Variants in WIPI2 observed in about 807,000 individuals in gnomAD.
WIPI2 encodes WD repeat domain phosphoinositide-interacting protein 2.
Under a neutral mutation model 52.3 loss-of-function variants are expected in WIPI2, and 28 were observed. That is an observed-to-expected ratio of 0.54 (90% CI 0.40 to 0.73). WIPI2 has a LOEUF of 0.73. Ranked by LOEUF, WIPI2 falls within the 30% of genes least tolerant of loss-of-function variation. The pLI is 0.00. For synonymous variants in WIPI2, 268 were observed against 245.0 expected (o/e 1.09, Z -0.88); for missense variants, 506 against 602.9 (o/e 0.84, Z 1.68).
Position 5,227,422 on chromosome 7 carries a change from C to A in WIPI2, c.1013+78C>A, listed in dbSNP as rs1422959614. The A allele has an allele frequency of 2.6e-6, 4 of 1,544,378 alleles. No individual in the cohort carries two copies. The highest frequency in any genetic ancestry group is 3.5e-6 in the Non-Finnish European group (4 of 1,149,370). ...GCCCAGTCCTGGCGGCTTGTGGCCC[C>A]TTCCGTGCTTCTGAACAGGAGCAGC... On this transcript the variant is annotated intron_variant, in intron 10 of 12. Coordinates refer to ENST00000288828, the MANE Select transcript of WIPI2 (RefSeq NM_015610.4). This position sits in a 1 kb window ranked among gnomAD's most constrained non-coding sequence, Gnocchi z 8.1.
At chr7:5,209,523 T>A (rs558496891) in intron 3 of WIPI2, among the ~76,000 whole-genome samples, 2 of 152,344 alleles carry the variant, frequency 1.3e-5, no homozygotes, top group East Asian at 3.9e-4. Context: ...TCTCATGCTT[T>A]TTCTGCATCT....
intron 2 of WIPI2, among the ~76,000 whole-genome samples, chr7:5,198,715 G>A (rs1781872570): frequency 6.6e-6 from 1 of 152,168 alleles, no homozygotes; most frequent in African/African-American, 2.4e-5. Context: ...CTGATTCCTT[G>A]TGCTTATATC....
rs771816912 is a variant in WIPI2, at chr7:5,199,629, T to A, written c.182T>A (p.Val61Glu). The change falls in exon 3 of 13, where the codon GTG becomes GAG. Residue 61 changes from valine to glutamate, a missense_variant. Val to Glu is a moderately radical substitution (Grantham distance 121, BLOSUM62 -2). Coordinates refer to ENST00000288828, the MANE Select transcript of WIPI2 (RefSeq NM_015610.4). ...SGYKFFSLSSVDKLEQIYECT... is the reference protein window; with the variant it reads ...SGYKFFSLSSEDKLEQIYECT... ...TATAAATTTTTCTCCCTTTCTTCTG[T>A]GGATAAGCTGGAACAGATCTATGAA... is the stretch of plus-strand genomic sequence containing the variant. 1 of 1,612,830 alleles carries A rather than the reference T, an allele frequency of 6.2e-7. No homozygotes were observed. The highest frequency in any genetic ancestry group is 1.7e-5 in the Admixed American group (1 of 59,766).
At chr7:5,210,716 C>T (rs910722655) in intron 3 of WIPI2, among the ~76,000 whole-genome samples, 2 of 152,146 alleles carry the variant, frequency 1.3e-5, no homozygotes, top group African/African-American at 2.4e-5. Context: ...TCTTGTTGTT[C>T]ACAGTTCTAG....
chr7:5,218,953 T>C (rs890984525), intron 7 of WIPI2: 2 of 152,190 alleles, frequency 1.3e-5, no homozygotes, highest in Admixed American at 6.5e-5. Context: ...AATCCTAAAA[T>C]AGCCTCCCCT....
Position 5,229,101 on chromosome 7 carries a change from C to T in WIPI2, c.1122-507C>T, listed in dbSNP as rs534563505. Among the ~76,000 whole-genome samples the T allele has an allele frequency of 5.9e-5, 9 of 152,090 alleles. No individual in the cohort carries two copies. In the East Asian group the frequency reaches 7.7e-4, roughly 13 times the overall value. ...CGCGATCTCGGCTCACTGCAATCTC[C>T]GCCTCCCAGGTTCAAGCGATTCTCC... On this transcript the variant is annotated intron_variant, in intron 11 of 12. Coordinates refer to ENST00000288828, the MANE Select transcript of WIPI2 (RefSeq NM_015610.4).
At chr7:5,190,557 G>A in intron 1 of WIPI2, 64 bp downstream of exon 1, 1 of 1,355,144 alleles carries the variant, frequency 7.4e-7, no homozygotes. Flanking sequence ...CTAGGGGGAG[G>A]GCCTCGCTGC....
chr7:5,190,521 G>T (rs761835759), intron 1 of WIPI2, 28 bp downstream of exon 1: 1 of 1,481,368 alleles, frequency 6.8e-7, no homozygotes, highest in Admixed American at 2.3e-5. Context: ...GGTCGGAGTC[G>T]GGGTGAGGCC....
Sources: gnomAD v4.1 joint callset for allele counts (sites outside exome capture counted in the v4.1 genomes callset) on GRCh38, gnomAD v4.1.1 for gene constraint, Gnocchi (gnomAD v3.1) non-coding constraint, MANE v1.5 for transcripts, NCBI Gene and HGNC (gene_info 2026-07-23, HGNC 2026-07-21) for gene names.